The following RRN3 variants were observed in gnomAD, a reference collection of about 807,000 sequenced individuals.
RRN3 encodes RNA polymerase I transcription factor RRN3.
In RRN3, 38 loss-of-function variants were observed where a neutral mutation model predicts 82.3. That is an observed-to-expected ratio of 0.46 (90% CI 0.36 to 0.61). RRN3 has a LOEUF of 0.61. Ranked by LOEUF, RRN3 falls within the 20% of genes least tolerant of loss-of-function variation. The pLI, the probability that RRN3 is intolerant of heterozygous loss-of-function variation, is 0.00. For missense variants in RRN3, 726 were observed against 793.1 expected, an observed-to-expected ratio of 0.92 and a Z score of 1.02; for synonymous variants, 284 against 284.3, an observed-to-expected ratio of 1.00 and a Z score of 0.01.
intron 15 of RRN3, among the ~76,000 whole-genome samples, chr16:15,066,351 G>C (rs926329246): frequency 6.6e-6 from 1 of 152,122 alleles, no homozygotes; most frequent in South Asian, 2.1e-4. Context: ...TAACACAGCC[G>C]GCTGGGCACG....
rs201892078 is a variant in RRN3, at chr16:15,080,927, TAC to T, written c.667-833_667-832del. Among the ~76,000 whole-genome samples the T allele has an allele frequency of 8.5e-3, 1,298 of 152,156 alleles. 7 individuals are homozygous for T. The highest frequency in any genetic ancestry group is 0.037 in the Middle Eastern group (11 of 294). Reference sequence around the variant, plus strand: ...CATTCCTCTCATATCAATGGAGTCATACACAGTTTGTGGCATGTTTTTAGGGT... The same window carrying T: ...CATTCCTCTCATATCAATGGAGTCATACAGTTTGTGGCATGTTTTTAGGGT... On this transcript the variant is annotated intron_variant, in intron 8 of 17. Coordinates refer to ENST00000198767, the MANE Select transcript of RRN3 (RefSeq NM_018427.5).
chr16:15,078,054 C>T (rs2045541041), intron 9 of RRN3, among the ~76,000 whole-genome samples: 1 of 152,194 alleles, frequency 6.6e-6, no homozygotes, highest in African/African-American at 2.4e-5. Context: ...ATTCAAATAT[C>T]TTAACATACC....
At chr16:15,083,883 A>G (rs2045805802) in intron 7 of RRN3, 1 of 286,228 alleles carries the variant, frequency 3.5e-6, no homozygotes, top group African/African-American at 2.3e-5. Flanking sequence ...TGCCCAGCTA[A>G]TTTTGTATTT....
At chr16:15,073,557 AC>A (rs1313559231) in intron 11 of RRN3, among the ~76,000 whole-genome samples, 1 of 152,198 alleles carries the variant, frequency 6.6e-6, no homozygotes, top group East Asian at 1.9e-4. Context: ...ATAATCTAAC[AC>A]CTGCAAGGAA....
At chr16:15,074,576 C>A (rs1237955469) in intron 11 of RRN3, 147 bp downstream of exon 11, 2 of 496,390 alleles carry the variant, frequency 4.0e-6, no homozygotes, top group Non-Finnish European at 6.7e-6. Flanking sequence ...TGGCAAGTAA[C>A]TTGACCTCTT....
At position 15,073,068 on chromosome 16, in the gene RRN3, T is replaced by C; in HGVS notation, c.1010A>G (p.Asn337Ser). ...DVCYVDGKVD[N>S]GKTKDLYRDL... is the part of the protein sequence containing the mutation. ...GCGATATAGATCCTTTGTTTTGCCG[T>C]TATCAACCTTACCTATGGAGAAAAT... Residue 337 changes from asparagine to serine, a missense_variant, in exon 12 of 18, where the codon AAC becomes AGC. Asn to Ser is a conservative substitution (Grantham distance 46, BLOSUM62 1). Around this residue, in one of 4 missense-constraint regions of RRN3, gnomAD observed 344 missense variants for 394.5 expected, o/e 0.87. Transcript: ENST00000198767. The C allele has an allele frequency of 1.2e-6, 2 of 1,610,426 alleles. No homozygotes were observed. The highest frequency in any genetic ancestry group is 1.7e-6 in the Non-Finnish European group (2 of 1,179,238).
rs2044679320 is a variant in RRN3 at position 15,060,708 on chromosome 16, G to C, written c.*1036C>G. ...TAAAAATACAAAAAGAGGCTTTAGAGAAGGATTTCACCAAGCCGAATGTGC... is the reference window on the plus strand; with the variant it reads ...TAAAAATACAAAAAGAGGCTTTAGACAAGGATTTCACCAAGCCGAATGTGC... On this transcript the variant is annotated 3_prime_UTR_variant, in exon 18 of 18. Transcript: ENST00000198767. 1 of 152,404 alleles carries C rather than the reference G, an allele frequency of 6.6e-6. No homozygotes were observed. Among genetic ancestry groups the C allele is most frequent in the Non-Finnish European group, 1.5e-5 (1 of 68,186 alleles). The allele number at this position is 152,404 out of a possible 1,614,324, so 9.4% of individuals were successfully genotyped here. A position where few individuals can be genotyped will look rare whatever the true frequency, so the allele number is the denominator to read the frequency against.
At chr16:15,085,739 C>G (rs980086994) in intron 5 of RRN3, 41 bp from the exon 6 acceptor site, 7 of 1,609,870 alleles carry the variant, frequency 4.3e-6, no homozygotes, top group African/African-American at 2.7e-5. Context: ...TGTCATTGAT[C>G]TAGACAATGA....
chr16:15,071,260 A>T lies in RRN3; in HGVS notation c.1129-9T>A, dbSNP rs201910393. The T allele has an allele frequency of 1.9e-6, 3 of 1,601,470 alleles. No individual in the cohort carries two copies. Among genetic ancestry groups the T allele is most frequent in the Non-Finnish European group, 2.6e-6 (3 of 1,175,510 alleles). ...AATGCCTCTGCGAATCCCTATAAAA[A>T]GAGAGGGCGTCGGTGTGATCTTTTT... On this transcript the variant is annotated splice_polypyrimidine_tract_variant and intron_variant, in intron 12 of 17. Transcript: ENST00000198767.
At chr16:15,072,875 C>T in intron 12 of RRN3, 75 bp downstream of exon 12, 1 of 1,458,162 alleles carries the variant, frequency 6.9e-7, no homozygotes, top group East Asian at 2.3e-5. Context: ...GGTCTCCGTC[C>T]ACCCCAGTTT....
Position 15,085,990 on chromosome 16 carries a change from G to A in RRN3, c.472+139C>T, listed in dbSNP as rs572249318. ...TAGACACCTCCATAGGGGTCATTAC[G>A]GGGAATATATGTCTACCAGACCTGG... On this transcript the variant is annotated intron_variant, in intron 5 of 17. Coordinates refer to ENST00000198767, the MANE Select transcript of RRN3 (RefSeq NM_018427.5). 16 of 664,920 alleles carry A rather than the reference G, an allele frequency of 2.4e-5. 1 individual carries two copies. The highest frequency in any genetic ancestry group is 6.0e-5 in the South Asian group (3 of 49,808). 41.2% of individuals were successfully genotyped at this position (664,920 alleles called of 1,614,324 possible).
intron 13 of RRN3, among the ~76,000 whole-genome samples, chr16:15,070,527 C>T (rs1028543849): frequency 3.9e-5 from 6 of 152,076 alleles, no homozygotes; most frequent in Admixed American, 1.3e-4. Context: ...GCAGGTTCTC[C>T]TAACCATCTC....
At position 15,076,571 on chromosome 16, in the gene RRN3, C is replaced by A; in HGVS notation, c.845G>T (p.Gly282Val). The A allele has an allele frequency of 6.2e-7, 1 of 1,610,626 alleles. No individual in the cohort carries two copies. The highest frequency in any genetic ancestry group is 8.5e-7 in the Non-Finnish European group (1 of 1,176,810). Residue 282 changes from glycine to valine, a missense_variant, in exon 10 of 18, where the codon GGA becomes GTA. Coordinates refer to ENST00000198767, the MANE Select transcript of RRN3 (RefSeq NM_018427.5). ...QTCGGTDSTE[G>V]LFNMDEDEET... Reference sequence around the variant, plus strand: ...TAAACTGCTAACCATATTAAACAATCCTTCCGTGGAATCTGTCCCACCACA... The same window carrying A: ...TAAACTGCTAACCATATTAAACAATACTTCCGTGGAATCTGTCCCACCACA...
Position 15,085,684 on chromosome 16 carries a change from T to C in RRN3, c.487A>G (p.Lys163Glu). 1 of 1,613,612 alleles carries C rather than the reference T, an allele frequency of 6.2e-7. No homozygotes were observed. Among genetic ancestry groups the C allele is most frequent in the East Asian group, 2.2e-5 (1 of 44,884 alleles). The change falls in exon 6 of 18, where the codon AAG becomes GAG. Residue 163 changes from lysine (K) to glutamate (E), a missense_variant. Physicochemically the swap from Lys to Glu is moderately conservative, Grantham distance 56. Transcript: ENST00000198767. ...SHFVPPRVII[K>E]EGDVDVSDSD... ...TCTGAAACATCTACATCGCCTTCCT[T>C]AATGATCACTCGGGCTTTTGAGGGA...
At chr16:15,080,572 T>C (rs1028084561) in intron 8 of RRN3, among the ~76,000 whole-genome samples, 1 of 152,142 alleles carries the variant, frequency 6.6e-6, no homozygotes, top group Non-Finnish European at 1.5e-5. Flanking sequence ...TAGCTAGAAC[T>C]ACAGGTGCAC....
In RRN3 at chr16:15,094,229, G is replaced by A. The variant is rs748955116; in HGVS notation, c.5C>T (p.Ala2Val). Residue 2 changes from alanine to valine, a missense_variant, in exon 1 of 18, where the codon GCG becomes GTG. Transcript: ENST00000198767. Reference protein sequence around the residue: MAAPLLHTRLPG... With the variant: MVAPLLHTRLPG... ...CAAACGCGTGTGAAGCAGCGGTGCC[G>A]CCATTGGGCCGAACTAACGCGACCG... 2.0e-5 allele frequency: 31 copies of A among 1,585,834 alleles called. No individual in the cohort carries two copies. Among genetic ancestry groups the A allele is most frequent in the Non-Finnish European group, 2.6e-5 (30 of 1,166,608 alleles).
rs1313428037 is a variant in RRN3 at position 15,063,879 on chromosome 16, A to T, written c.1707-596T>A. ...GAAATTGTTTCTAAACTTTACAAAGACTCACAAGTCAGTTAGATACAGTAT... is the reference window on the plus strand; with the variant it reads ...GAAATTGTTTCTAAACTTTACAAAGTCTCACAAGTCAGTTAGATACAGTAT... On this transcript the variant is annotated intron_variant, in intron 16 of 17. Transcript: ENST00000198767. Among the ~76,000 whole-genome samples, 4 of 152,098 alleles carry T rather than the reference A, an allele frequency of 2.6e-5. No homozygotes were observed. The East Asian group carries it at 5.8e-4, about 22-fold the overall frequency.
chr16:15,091,210 C>G, intron 3 of RRN3, 105 bp downstream of exon 3: 1 of 1,411,350 alleles, frequency 7.1e-7, no homozygotes, highest in Non-Finnish European at 9.7e-7. Flanking sequence ...AAGGGAGGAC[C>G]ATGGAGAGAG....
chr16:15,093,202 G>GC (rs1297933260), intron 1 of RRN3, among the ~76,000 whole-genome samples: 1 of 152,028 alleles, frequency 6.6e-6, no homozygotes, highest in Non-Finnish European at 1.5e-5. Context: ...ACGAGGTTTC[G>GC]CACGTTGGCC....
Sources: gnomAD v4.1 joint callset for allele counts (sites outside exome capture counted in the v4.1 genomes callset) on GRCh38, gnomAD v4.1.1 for gene constraint, gnomAD v4.1.1 regional missense constraint, MANE v1.5 for transcripts, NCBI Gene and HGNC (gene_info 2026-07-23, HGNC 2026-07-21) for gene names.